Variants in CNBD1 observed in about 807,000 individuals in gnomAD.
The protein encoded by CNBD1 is cyclic nucleotide binding domain containing 1, also known as cyclic nucleotide-binding domain-containing protein 1.
In CNBD1, 71 loss-of-function variants were observed where a neutral mutation model predicts 54.4. The ratio of observed to expected loss-of-function variants is 1.30; its 90% CI spans 1.08 to 1.59. The LOEUF is 1.59. Ranked by LOEUF, CNBD1 falls within the 40% of genes most tolerant of loss-of-function variation. CNBD1 has a pLI of 0.00. For synonymous variants in CNBD1, 182 were observed against 170.7 expected, an observed-to-expected ratio of 1.07 and a Z score of -0.51; for missense variants, 659 against 518.0, an observed-to-expected ratio of 1.27 and a Z score of -2.64.
chr8:87,220,458 C>T (rs1012585273), intron 5 of CNBD1, among the ~76,000 whole-genome samples: 1 of 151,266 alleles, frequency 6.6e-6, no homozygotes, highest in African/African-American at 2.4e-5. Context: ...TTCTTTCTGT[C>T]CCTTACAAGA....
chr8:87,255,941 A>C (rs1461202425), intron 6 of CNBD1, among the ~76,000 whole-genome samples: 1 of 136,860 alleles, frequency 7.3e-6, no homozygotes, highest in Non-Finnish European at 1.6e-5. Context: ...TCATATATAT[A>C]TATAAAATAC....
chr8:87,095,109 A>G (rs1037811366), intron 4 of CNBD1, among the ~76,000 whole-genome samples: 6 of 152,266 alleles, frequency 3.9e-5, no homozygotes, highest in South Asian at 2.1e-4. Context: ...CATATTCACA[A>G]TAGCATGGCC....
At chr8:86,885,347 T>A (rs963388514) in intron 1 of CNBD1, among the ~76,000 whole-genome samples, 1 of 152,194 alleles carries the variant, frequency 6.6e-6, no homozygotes, top group African/African-American at 2.4e-5. Context: ...ATCGGTTTTT[T>A]AATTTCTCAA....
intron 2 of CNBD1, among the ~76,000 whole-genome samples, chr8:87,421,162 A>C (rs964013541): frequency 6.6e-6 from 1 of 152,100 alleles, no homozygotes; most frequent in African/African-American, 2.4e-5. Flanking sequence ...ACCAAATTTT[A>C]CCTTATCTCT....
chr8:86,955,647 C>T (rs1034587734), intron 4 of CNBD1, among the ~76,000 whole-genome samples: 1 of 152,230 alleles, frequency 6.6e-6, no homozygotes, highest in Admixed American at 6.5e-5. Context: ...AGAAGTGTCT[C>T]TTCATATCCT....
At chr8:87,281,226 T>C (rs1808591867) in intron 6 of CNBD1, among the ~76,000 whole-genome samples, 1 of 151,544 alleles carries the variant, frequency 6.6e-6, no homozygotes, top group Non-Finnish European at 1.5e-5. Context: ...AAAGTCACAT[T>C]TTAAATTTCT....
At chr8:87,191,579 C>T (rs553980811) in intron 4 of CNBD1, among the ~76,000 whole-genome samples, 1 of 152,290 alleles carries the variant, frequency 6.6e-6, no homozygotes, top group Admixed American at 6.5e-5. Flanking sequence ...GTTTTCATGG[C>T]ACCTGGTGTT....
At chr8:87,281,304 G>C (rs1298421005) in intron 6 of CNBD1, among the ~76,000 whole-genome samples, 1 of 150,890 alleles carries the variant, frequency 6.6e-6, no homozygotes, top group East Asian at 2.0e-4. Flanking sequence ...AATACAAGGA[G>C]GTTGGAGGAA....
chr8:87,297,163 CA>C (rs555582073), intron 8 of CNBD1, among the ~76,000 whole-genome samples: 5,728 of 88,500 alleles, frequency 0.065, 41 homozygotes, highest in African/African-American at 0.088. Flanking sequence ...GGGTCCGTCT[CA>C]AAAAAAAAAA....
chr8:86,969,330 G>C (rs757232621), intron 4 of CNBD1, among the ~76,000 whole-genome samples: 8 of 152,098 alleles, frequency 5.3e-5, no homozygotes, highest in East Asian at 1.9e-4. Flanking sequence ...TTTGATTGAA[G>C]AGATGAAATT....
intron 3 of CNBD1, among the ~76,000 whole-genome samples, chr8:86,917,734 T>G (rs1015520446): frequency 6.6e-6 from 1 of 152,140 alleles, no homozygotes; most frequent in Non-Finnish European, 1.5e-5. Context: ...AGGAACATGA[T>G]GATGATCAGC....
At chr8:87,349,931 T>C (rs1040930539) in intron 8 of CNBD1, among the ~76,000 whole-genome samples, 2 of 152,230 alleles carry the variant, frequency 1.3e-5, no homozygotes, top group Non-Finnish European at 2.9e-5. Flanking sequence ...TTTGTTGTTA[T>C]ATATACTTCT....
chr8:87,050,970 C>T (rs1563449979), intron 4 of CNBD1, among the ~76,000 whole-genome samples: 1 of 152,126 alleles, frequency 6.6e-6, no homozygotes, highest in African/African-American at 2.4e-5. Flanking sequence ...AGCGATTGTT[C>T]AGCCAATCTT....
Position 87,357,788 on chromosome 8 carries a change from A to G in CNBD1, c.1303+4002A>G, listed in dbSNP as rs142955082. ...GGACATGAGATATGGTAGGCCAGCA[A>G]CAGAATGATATAGTTTGGATGTCTG... On this transcript the variant is annotated intron_variant, in intron 10 of 10. Transcript: ENST00000518476. Among the ~76,000 whole-genome samples the G allele has an allele frequency of 2.0e-4, 31 of 152,278 alleles. No individual in the cohort carries two copies. The East Asian group carries it at 6.0e-3, about 29-fold the overall frequency.
rs79733725 is a variant in CNBD1, at chr8:87,401,588, A to G, written c.214-26958A>G. On this transcript the variant is annotated intron_variant, in intron 2 of 7. Transcript: ENST00000521593. ...TTTTGTTGTTGTTGACTTTTTTACC[A>G]ATGATGCATATTTCAGTTAGAGGTT... Among the ~76,000 whole-genome samples, 91 of 152,104 alleles carry G rather than the reference A, an allele frequency of 6.0e-4. 1 individual carries two copies. The East Asian group carries it at 0.017, about 29-fold the overall frequency.
chr8:87,202,960 T>A (rs1246361840), intron 4 of CNBD1, among the ~76,000 whole-genome samples: 1 of 152,122 alleles, frequency 6.6e-6, no homozygotes, highest in East Asian at 1.9e-4. Context: ...TATAATTGCT[T>A]GTGGTTGTAC....
chr8:87,420,158 G>T (rs930352285), intron 2 of CNBD1, among the ~76,000 whole-genome samples: 1 of 151,682 alleles, frequency 6.6e-6, no homozygotes, highest in Admixed American at 6.6e-5. Context: ...CAGACTCTTA[G>T]TTTTAATTTT....
chr8:86,990,338 T>G (rs746800527), intron 4 of CNBD1, among the ~76,000 whole-genome samples: 1 of 152,232 alleles, frequency 6.6e-6, no homozygotes, highest in Non-Finnish European at 1.5e-5. Context: ...TGTTCTTAGA[T>G]TTAAATCTTT....
intron 2 of CNBD1, among the ~76,000 whole-genome samples, chr8:87,417,303 G>A (rs1005589592): frequency 9.9e-5 from 15 of 151,904 alleles, no homozygotes; most frequent in Admixed American, 9.2e-4. Flanking sequence ...AGAACAGCAC[G>A]GGAAAAGCTA....
Sources: gnomAD v4.1 joint callset for allele counts (sites outside exome capture counted in the v4.1 genomes callset) on GRCh38, gnomAD v4.1.1 for gene constraint, MANE v1.5 for transcripts, NCBI Gene and HGNC (gene_info 2026-07-23, HGNC 2026-07-21) for gene names.